Variants in KCNIP4 observed in about 807,000 individuals in gnomAD.
The protein encoded by KCNIP4 is Kv channel-interacting protein 4.
Under a neutral mutation model 34.0 loss-of-function variants are expected in KCNIP4, and 12 were observed. The ratio of observed to expected loss-of-function variants is 0.35; its 90% CI spans 0.23 to 0.57. The LOEUF (loss-of-function observed/expected upper bound fraction) is 0.57, where lower values mean the gene tolerates loss of function less well. Among genes scored for constraint, KCNIP4 ranks in the 20% least tolerant of loss-of-function variants. KCNIP4 has a pLI of 0.83. For synonymous variants in KCNIP4, 124 were observed against 102.2 expected, an observed-to-expected ratio of 1.21 and a Z score of -1.29; for missense variants, 238 against 311.7, an observed-to-expected ratio of 0.76 and a Z score of 1.78.
chr4:21,728,295 C>G (rs1443273850), intron 1 of KCNIP4, among the ~76,000 whole-genome samples: 1 of 152,138 alleles, frequency 6.6e-6, no homozygotes, highest in Non-Finnish European at 1.5e-5. Context: ...TGGCAATACC[C>G]TTCTCCCAGG....
intron 1 of KCNIP4, among the ~76,000 whole-genome samples, chr4:21,461,586 A>G: frequency 6.6e-6 from 1 of 152,058 alleles, no homozygotes; most frequent in Admixed American, 6.6e-5. Context: ...AATATTGGTT[A>G]AATTCCAAAG....
At chr4:20,783,352 T>A (rs1486239317) in intron 3 of KCNIP4, among the ~76,000 whole-genome samples, 3 of 152,174 alleles carry the variant, frequency 2.0e-5, no homozygotes, top group Non-Finnish European at 4.4e-5. Flanking sequence ...ATTAGTCAGT[T>A]TTCACACTAC....
At chr4:21,619,508 T>C (rs997862842) in intron 1 of KCNIP4, among the ~76,000 whole-genome samples, 9 of 152,204 alleles carry the variant, frequency 5.9e-5, no homozygotes, top group Admixed American at 1.3e-4. Context: ...CAAATTCTAA[T>C]TGCAGCTTTG....
chr4:21,375,996 G>C (rs1263945266), intron 1 of KCNIP4, among the ~76,000 whole-genome samples: 1 of 152,124 alleles, frequency 6.6e-6, no homozygotes, highest in Non-Finnish European at 1.5e-5. Context: ...GAATCAAGGT[G>C]GATAGAGAGT....
At chr4:21,463,605 G>A (rs1729664313) in intron 1 of KCNIP4, among the ~76,000 whole-genome samples, 1 of 151,948 alleles carries the variant, frequency 6.6e-6, no homozygotes, top group Non-Finnish European at 1.5e-5. Context: ...TATTGCCAGT[G>A]TTTGCTAGTA....
rs1036932448 is a variant in KCNIP4 at position 21,749,546 on chromosome 4, G to A, written c.61+199025C>T. ...TGGTGATGGTGGAAAAATATTCACC[G>A]CCCTAGGAATTTCTCTCTAACCCCA... is the stretch of plus-strand genomic sequence containing the variant. On this transcript the variant is annotated intron_variant, in intron 1 of 8. Transcript: ENST00000382152. Among the ~76,000 whole-genome samples, 6 of 152,072 alleles carry A rather than the reference G, an allele frequency of 3.9e-5. No homozygotes were observed. The South Asian group carries it at 6.2e-4, about 16-fold the overall frequency.
chr4:21,575,084 T>C (rs1740650420), intron 1 of KCNIP4, among the ~76,000 whole-genome samples: 1 of 152,200 alleles, frequency 6.6e-6, no homozygotes, highest in Non-Finnish European at 1.5e-5. Flanking sequence ...CTTTGTACAA[T>C]ACTGCATAAC....
chr4:20,960,284 C>A (rs1281296042), intron 1 of KCNIP4, among the ~76,000 whole-genome samples: 1 of 151,932 alleles, frequency 6.6e-6, no homozygotes, highest in East Asian at 1.9e-4. Context: ...ATGCTTATGC[C>A]CTCCAGAGTT....
intron 1 of KCNIP4, among the ~76,000 whole-genome samples, chr4:21,594,027 G>C (rs1378237845): frequency 6.6e-6 from 1 of 152,012 alleles, no homozygotes; most frequent in East Asian, 1.9e-4. Context: ...CATGTATGTA[G>C]GAAATGGAGC....
At chr4:21,493,828 G>A (rs2109867538) in intron 1 of KCNIP4, among the ~76,000 whole-genome samples, 1 of 152,236 alleles carries the variant, frequency 6.6e-6, no homozygotes, top group Non-Finnish European at 1.5e-5. Flanking sequence ...TCTTTAATAG[G>A]GTGAATGGGA....
At chr4:21,438,460 T>G (rs1432128326) in intron 1 of KCNIP4, among the ~76,000 whole-genome samples, 1 of 152,246 alleles carries the variant, frequency 6.6e-6, no homozygotes, top group Admixed American at 6.5e-5. Context: ...GATTCTTTCC[T>G]GTGGGAATAT....
intron 1 of KCNIP4, among the ~76,000 whole-genome samples, chr4:21,078,775 T>C (rs1190526680): frequency 6.6e-6 from 1 of 152,090 alleles, no homozygotes; most frequent in African/African-American, 2.4e-5. Context: ...TACTTATATG[T>C]TCTGCCAGGA....
chr4:21,773,755 T>TTTTTTGTTTG (rs377403469), intron 1 of KCNIP4, among the ~76,000 whole-genome samples: 1 of 137,866 alleles, frequency 7.3e-6, no homozygotes, highest in Non-Finnish European at 1.5e-5. Flanking sequence ...GTTTTTTTTT[T>TTTTTTGTTTG]TTTGTTTGTT....
At chr4:20,912,855 C>T (rs2149572848) in intron 1 of KCNIP4, among the ~76,000 whole-genome samples, 1 of 152,118 alleles carries the variant, frequency 6.6e-6, no homozygotes, top group South Asian at 2.1e-4. Flanking sequence ...ATGGGTAAGG[C>T]TATAATAAAA....
chr4:21,905,300 A>G lies in KCNIP4; in HGVS notation c.61+43271T>C, dbSNP rs148375425. Among the ~76,000 whole-genome samples the G allele has an allele frequency of 1.2e-4, 18 of 152,270 alleles. No individual in the cohort carries two copies. In the East Asian group the frequency reaches 2.5e-3, roughly 21 times the overall value. ...GCAAGGTTACATCATGCTGCTCAGG[A>G]AGCAGGCTGAGCAATGGGAATAGCT... is the stretch of plus-strand genomic sequence containing the variant. On this transcript the variant is annotated intron_variant, in intron 1 of 8. Coordinates refer to ENST00000382152, the MANE Select transcript of KCNIP4 (RefSeq NM_025221.6).
chr4:21,567,395 G>A (rs530634590), intron 1 of KCNIP4, among the ~76,000 whole-genome samples: 1 of 152,096 alleles, frequency 6.6e-6, no homozygotes, highest in Admixed American at 6.6e-5. Context: ...ATATGGAAGG[G>A]GGCCCATTGT....
chr4:21,034,066 A>G (rs1328526630), intron 1 of KCNIP4, among the ~76,000 whole-genome samples: 1 of 152,302 alleles, frequency 6.6e-6, no homozygotes, highest in South Asian at 2.1e-4. Context: ...TATTTGCAAA[A>G]AGGGCTATAG....
At chr4:21,913,449 A>T (rs540815190) in intron 1 of KCNIP4, among the ~76,000 whole-genome samples, 1 of 149,928 alleles carries the variant, frequency 6.7e-6, no homozygotes, top group African/African-American at 2.5e-5. Flanking sequence ...CCATGAGGGG[A>T]GCCATCTTGG....
chr4:21,818,434 T>C lies in KCNIP4; in HGVS notation c.61+130137A>G, dbSNP rs1015426241. On this transcript the variant is annotated intron_variant, in intron 1 of 8. Coordinates refer to ENST00000382152, the MANE Select transcript of KCNIP4 (RefSeq NM_025221.6). ...CTAGACAGTAGGTGCTGTGTTTGTG[T>C]TTCCCAGTGGCCTGCCCTAATTGAA... Among the ~76,000 whole-genome samples, 5 of 152,354 alleles carry C rather than the reference T, an allele frequency of 3.3e-5. No homozygotes were observed. In the East Asian group the frequency reaches 9.6e-4, roughly 29 times the overall value.
Sources: allele counts gnomAD v4.1 joint callset (sites outside exome capture counted in the v4.1 genomes callset), GRCh38; gene constraint gnomAD v4.1.1; transcripts MANE v1.5; gene names NCBI Gene and HGNC (gene_info 2026-07-23, HGNC 2026-07-21).